RABGAP1L: variants seen among roughly 807,000 people sequenced by gnomAD.
RABGAP1L encodes RAB GTPase activating protein 1 like.
A neutral mutation model predicts 137.7 loss-of-function variants in RABGAP1L; 63 were observed. The ratio of observed to expected loss-of-function variants is 0.46; its 90% CI spans 0.37 to 0.56. RABGAP1L has a LOEUF of 0.56. Among genes scored for constraint, RABGAP1L ranks in the 20% least tolerant of loss-of-function variants. The pLI is 0.00. For synonymous variants in RABGAP1L, 431 were observed against 433.7 expected, an observed-to-expected ratio of 0.99 and a Z score of 0.08; for missense variants, 1,095 against 1,244.0, an observed-to-expected ratio of 0.88 and a Z score of 1.80.
chr1:174,769,631 T>TAA (rs1385306647), intron 18 of RABGAP1L, among the ~76,000 whole-genome samples: 1 of 152,202 alleles, frequency 6.6e-6, no homozygotes, highest in East Asian at 1.9e-4. Flanking sequence ...TAGCTTGGCT[T>TAA]AAGCCCAGGA....
intron 18 of RABGAP1L, among the ~76,000 whole-genome samples, chr1:174,782,967 C>G (rs148777084): frequency 0.021 from 3,180 of 152,248 alleles, 121 homozygotes; most frequent in African/African-American, 0.074. Context: ...CCTTTGGGTC[C>G]CCTCCCATTG....
At chr1:174,974,748 G>A (rs1670500256) in intron 21 of RABGAP1L, among the ~76,000 whole-genome samples, 1 of 152,234 alleles carries the variant, frequency 6.6e-6, no homozygotes, top group African/African-American at 2.4e-5. Context: ...AGGGCAAGCA[G>A]AGCAGCTGGA....
At chr1:174,270,375 AGTGCT>A (rs1335438146) in intron 7 of RABGAP1L, among the ~76,000 whole-genome samples, 4 of 152,168 alleles carry the variant, frequency 2.6e-5, no homozygotes, top group African/African-American at 9.7e-5. Flanking sequence ...TTCACCTGGA[AGTGCT>A]TGAGAAACAA....
chr1:174,623,365 C>G (rs1036074785), intron 13 of RABGAP1L, among the ~76,000 whole-genome samples: 1 of 152,118 alleles, frequency 6.6e-6, no homozygotes, highest in Non-Finnish European at 1.5e-5. Context: ...AGTTCTGACA[C>G]CAGTTGTAAA....
At chr1:174,245,638 C>CT (rs1218039839) in intron 5 of RABGAP1L, 1 of 140,958 alleles carries the variant, frequency 7.1e-6, no homozygotes, top group Non-Finnish European at 1.5e-5. Context: ...CTTGGGTGAA[C>CT]TTTTTATTTT....
chr1:174,908,110 A>G (rs957828907), intron 19 of RABGAP1L, among the ~76,000 whole-genome samples: 46 of 152,236 alleles, frequency 3.0e-4, no homozygotes, highest in African/African-American at 9.9e-4. Context: ...AGAGAATATA[A>G]CAATTGTATA....
intron 24 of RABGAP1L, among the ~76,000 whole-genome samples, chr1:174,987,935 G>T (rs1477609467): frequency 6.6e-6 from 1 of 151,986 alleles, no homozygotes; most frequent in East Asian, 1.9e-4. Context: ...TCAGCCTCCC[G>T]AGTAGCTGGG....
chr1:174,947,945 T>G (rs1046736577), intron 19 of RABGAP1L, among the ~76,000 whole-genome samples: 41 of 152,224 alleles, frequency 2.7e-4, no homozygotes, highest in African/African-American at 9.6e-4. Flanking sequence ...AAATTGGTTG[T>G]TTGAAACTCA....
intron 18 of RABGAP1L, among the ~76,000 whole-genome samples, chr1:174,789,065 T>A (rs1292262325): frequency 6.6e-6 from 1 of 152,162 alleles, no homozygotes; most frequent in Non-Finnish European, 1.5e-5. Flanking sequence ...GACTGTTACA[T>A]AACATGTATT....
At chr1:174,367,750 C>T (rs1684775408) in intron 11 of RABGAP1L, 1 of 196,296 alleles carries the variant, frequency 5.1e-6, no homozygotes, top group African/African-American at 2.4e-5. Context: ...ACTGCAAGTC[C>T]AGTGATTATC....
At chr1:174,541,920 G>A (rs929852429) in intron 13 of RABGAP1L, among the ~76,000 whole-genome samples, 5 of 152,212 alleles carry the variant, frequency 3.3e-5, no homozygotes, top group Admixed American at 2.0e-4. Context: ...TGTTGAACTA[G>A]CCTTGCATCC....
chr1:174,160,537 C>G (rs528883926), intron 1 of RABGAP1L, among the ~76,000 whole-genome samples: 1 of 152,172 alleles, frequency 6.6e-6, no homozygotes. Context: ...TGGGTGGTCA[C>G]TTGCAAAATT....
intron 13 of RABGAP1L, among the ~76,000 whole-genome samples, chr1:174,506,532 TGAA>T (rs1425165729): frequency 6.6e-6 from 1 of 151,998 alleles, no homozygotes; most frequent in Non-Finnish European, 1.5e-5. Flanking sequence ...TGACAAGAAA[TGAA>T]GAAAACGATT....
chr1:174,484,877 A>G (rs1329541772), intron 13 of RABGAP1L, among the ~76,000 whole-genome samples: 2 of 152,146 alleles, frequency 1.3e-5, no homozygotes, highest in Admixed American at 6.5e-5. Flanking sequence ...TGTTTTCCCT[A>G]TTTCTGTGAA....
intron 18 of RABGAP1L, among the ~76,000 whole-genome samples, chr1:174,789,388 C>G (rs980858823): frequency 3.3e-5 from 5 of 152,174 alleles, no homozygotes; most frequent in African/African-American, 1.2e-4. Flanking sequence ...TAAAACAACT[C>G]AACATTCATG....
At chr1:174,838,420 A>G (rs1692984174) in intron 19 of RABGAP1L, among the ~76,000 whole-genome samples, 1 of 152,170 alleles carries the variant, frequency 6.6e-6, no homozygotes, top group African/African-American at 2.4e-5. Flanking sequence ...GCATGACTTT[A>G]CCATCTTGAC....
chr1:174,494,176 G>C (rs576345934), intron 13 of RABGAP1L, among the ~76,000 whole-genome samples: 2 of 152,292 alleles, frequency 1.3e-5, no homozygotes, highest in Admixed American at 6.5e-5. Context: ...AGAGGTAAAT[G>C]GGTTTATGTC....
chr1:174,881,460 A>C (rs1413955361), intron 19 of RABGAP1L, among the ~76,000 whole-genome samples: 2 of 149,236 alleles, frequency 1.3e-5, no homozygotes, highest in African/African-American at 4.9e-5. Flanking sequence ...AGTTATTCTA[A>C]AATTGTGCAA....
chr1:174,339,333 G>T (rs531640922), intron 11 of RABGAP1L, among the ~76,000 whole-genome samples: 133 of 152,276 alleles, frequency 8.7e-4, no homozygotes, highest in African/African-American at 3.0e-3. Context: ...GAAAAGCATG[G>T]TGAAGCTAGT....
Sources: gnomAD v4.1 joint callset for allele counts (sites outside exome capture counted in the v4.1 genomes callset) on GRCh38, gnomAD v4.1.1 for gene constraint, MANE v1.5 for transcripts, NCBI Gene and HGNC (gene_info 2026-07-23, HGNC 2026-07-21) for gene names.